CPLX1: variants seen among roughly 807,000 people sequenced by gnomAD.
CPLX1 encodes the protein complexin-1.
CPLX1 carries 6 observed loss-of-function variants against 15.6 expected under a neutral mutation model. The observed-to-expected ratio is 0.39, with a 90% CI of 0.21 to 0.76. The LOEUF (loss-of-function observed/expected upper bound fraction) is 0.76, where lower values mean the gene tolerates loss of function less well. Ranked by LOEUF, CPLX1 falls within the 30% of genes least tolerant of loss-of-function variation. CPLX1 has a pLI of 0.43. For missense variants in CPLX1, 242 were observed against 188.6 expected, an observed-to-expected ratio of 1.28 and a Z score of -1.66; for synonymous variants, 91 against 75.2, an observed-to-expected ratio of 1.21 and a Z score of -1.08.
At chr4:791,908 C>T (rs574533426) in intron 3 of CPLX1, among the ~76,000 whole-genome samples, 61 of 152,312 alleles carry the variant, frequency 4.0e-4, no homozygotes, top group African/African-American at 1.3e-3. Context: ...GAAGCCGGAG[C>T]GGCTGTCGGG....
chr4:823,509 G>A (rs1391329546), intron 2 of CPLX1, among the ~76,000 whole-genome samples: 1 of 152,196 alleles, frequency 6.6e-6, no homozygotes, highest in Non-Finnish European at 1.5e-5. Context: ...ATGGCATCAG[G>A]TGAGGGTGCT....
At chr4:800,570 G>GTGTA (rs1203460338) in intron 2 of CPLX1, among the ~76,000 whole-genome samples, 1 of 145,650 alleles carries the variant, frequency 6.9e-6, no homozygotes, top group African/African-American at 2.6e-5. Flanking sequence ...ATATATGTGT[G>GTGTA]TGTGTGTGTA....
At chr4:801,600 G>C (rs540247341) in intron 2 of CPLX1, among the ~76,000 whole-genome samples, 1 of 152,340 alleles carries the variant, frequency 6.6e-6, no homozygotes, top group South Asian at 2.1e-4. Context: ...GCAGTCACGT[G>C]CTGTGCAGGG....
rs1560241230 is a variant in CPLX1, at chr4:800,737, ATATAT to A, written c.32-8134_32-8130del. 3.3e-3 allele frequency among the ~76,000 whole-genome samples: 31 copies of A among 9,294 alleles called. No homozygotes were observed. In the East Asian group the frequency reaches 0.05, roughly 15 times the overall value. The allele number at this position is 9,294 out of a possible 152,430, so 6.1% of individuals were successfully genotyped here. ...CCCCGTCTCTACTAAAAAAAAAAAT[ATATAT>A]ATATATATATATACACACACATATA... On this transcript the variant is annotated intron_variant, in intron 2 of 3. Coordinates refer to ENST00000304062, the MANE Select transcript of CPLX1 (RefSeq NM_006651.4).
intron 2 of CPLX1, among the ~76,000 whole-genome samples, chr4:820,525 G>C (rs6599381): frequency 3.3e-5 from 5 of 152,040 alleles, no homozygotes; most frequent in Non-Finnish European, 4.4e-5. Flanking sequence ...GATCCCAGTT[G>C]CCTCCATGGC....
At chr4:792,354 C>A (rs1746205421) in intron 3 of CPLX1, 79 bp downstream of exon 3, 29 of 1,345,734 alleles carry the variant, frequency 2.2e-5, no homozygotes, top group Non-Finnish European at 2.8e-5. Context: ...TCCGGGCAGC[C>A]CCTTCCACCC....
At chr4:823,847 A>C (rs1211302038) in intron 2 of CPLX1, among the ~76,000 whole-genome samples, 1 of 152,238 alleles carries the variant, frequency 6.6e-6, no homozygotes, top group Non-Finnish European at 1.5e-5. Flanking sequence ...GCAGGTTGGA[A>C]GGGGGCCTGG....
intron 1 of CPLX1, chr4:824,908 G>C: frequency 2.4e-6 from 1 of 412,308 alleles, no homozygotes; most frequent in Non-Finnish European, 4.6e-6. Context: ...CGGGGCCCAG[G>C]GGGCGTTTGA....
chr4:788,557 C>T (rs1302044752), intron 3 of CPLX1: 10 of 985,340 alleles, frequency 1.0e-5, no homozygotes, highest in East Asian at 2.3e-4. Context: ...ACAACAGGGG[C>T]GACACCCAGA....
At chr4:794,814 G>GAA (rs1228911656) in intron 2 of CPLX1, among the ~76,000 whole-genome samples, 4 of 152,212 alleles carry the variant, frequency 2.6e-5, no homozygotes, top group Non-Finnish European at 5.9e-5. Context: ...GGGAGCTGCA[G>GAA]GGCTTCTGCA....
chr4:803,474 T>C (rs2152645680), intron 2 of CPLX1, among the ~76,000 whole-genome samples: 1 of 152,074 alleles, frequency 6.6e-6, no homozygotes, highest in South Asian at 2.1e-4. Context: ...CACTGCAAGC[T>C]CCGCCTCCCA....
chr4:824,025 C>T (rs944337380), intron 2 of CPLX1, among the ~76,000 whole-genome samples: 5 of 152,192 alleles, frequency 3.3e-5, no homozygotes, highest in African/African-American at 1.2e-4. Flanking sequence ...GCCAGATGCA[C>T]AGGCCAGCTC....
chr4:819,463 C>A (rs990589181), intron 2 of CPLX1, among the ~76,000 whole-genome samples: 1 of 152,230 alleles, frequency 6.6e-6, no homozygotes, highest in East Asian at 1.9e-4. Flanking sequence ...CTCGACCACA[C>A]GGCGTTTGTG....
At chr4:817,063 G>A (rs576524499) in intron 2 of CPLX1, among the ~76,000 whole-genome samples, 19 of 152,144 alleles carry the variant, frequency 1.2e-4, no homozygotes, top group African/African-American at 4.6e-4. Flanking sequence ...GTTTAAAAAG[G>A]CAACAACAAA....
At chr4:791,833 G>A (rs1024254032) in intron 3 of CPLX1, among the ~76,000 whole-genome samples, 5 of 152,124 alleles carry the variant, frequency 3.3e-5, no homozygotes, top group Non-Finnish European at 5.9e-5. Flanking sequence ...CCTGGCTGGA[G>A]ACTCCTCCAG....
At chr4:808,972 T>C (rs1293600313) in intron 2 of CPLX1, among the ~76,000 whole-genome samples, 1 of 152,154 alleles carries the variant, frequency 6.6e-6, no homozygotes, top group East Asian at 1.9e-4. Flanking sequence ...ATGCCAAAAA[T>C]TGGTGGAGAG....
intron 2 of CPLX1, 154 bp from the exon 3 acceptor site, chr4:792,762 C>T (rs953386163): frequency 7.8e-6 from 6 of 769,730 alleles, no homozygotes; most frequent in African/African-American, 5.3e-5. Context: ...CCGCTCCTCC[C>T]ACCTCCATCT....
At chr4:799,292 G>T (rs1220595245) in intron 2 of CPLX1, among the ~76,000 whole-genome samples, 1 of 152,226 alleles carries the variant, frequency 6.6e-6, no homozygotes, top group South Asian at 2.1e-4. Context: ...TTCATCGGTC[G>T]CATTTCTACG....
chr4:795,931 G>A (rs1354757498), intron 2 of CPLX1, among the ~76,000 whole-genome samples: 2 of 152,114 alleles, frequency 1.3e-5, no homozygotes, highest in South Asian at 2.1e-4. Context: ...CATCGGGGAG[G>A]GTGGGGTCAG....
Sources: allele counts gnomAD v4.1 joint callset (sites outside exome capture counted in the v4.1 genomes callset), GRCh38; gene constraint gnomAD v4.1.1; transcripts MANE v1.5; gene names NCBI Gene and HGNC (gene_info 2026-07-23, HGNC 2026-07-21).